The following UGT2B7 variants were observed in gnomAD, a reference collection of about 807,000 sequenced individuals.
The protein encoded by UGT2B7 is UDP glucuronosyltransferase family 2 member B7, also known as UDP-glucuronosyltransferase 2B7.
A neutral mutation model predicts 51.9 loss-of-function variants in UGT2B7; 51 were observed. The observed-to-expected ratio is 0.98, with a 90% confidence interval of 0.78 to 1.24. UGT2B7 has a LOEUF of 1.24. Ranked by LOEUF, UGT2B7 falls within the 50% of genes most tolerant of loss-of-function variation. UGT2B7 has a pLI of 0.00. For missense variants in UGT2B7, 727 were observed against 628.4 expected (o/e 1.16, Z -1.68); for synonymous variants, 225 against 211.6 (o/e 1.06, Z -0.55).
chr4:69,092,263 C>T (rs1230901337), upstream of UGT2B7, among the ~76,000 whole-genome samples: 1 of 152,172 alleles, frequency 6.6e-6, no homozygotes, highest in East Asian at 1.9e-4. Flanking sequence ...CAGTATCTTT[C>T]CTGGCTTATC....
chr4:69,080,380 C>G (rs1718808498), intron 1 of UGT2B7, among the ~76,000 whole-genome samples: 1 of 151,572 alleles, frequency 6.6e-6, no homozygotes. Flanking sequence ...AAACTCCGTC[C>G]CTGCTAAAAA....
intron 1 of UGT2B7, among the ~76,000 whole-genome samples, chr4:69,058,509 G>A (rs923278285): frequency 3.3e-5 from 5 of 152,152 alleles, no homozygotes; most frequent in Non-Finnish European, 1.5e-5. Context: ...AGGCACTCCT[G>A]CAAAGTTTAA....
upstream of UGT2B7, among the ~76,000 whole-genome samples, chr4:69,094,016 T>A (rs577804324): frequency 2.0e-5 from 3 of 152,306 alleles, no homozygotes; most frequent in South Asian, 6.2e-4. Context: ...TATCTCATAT[T>A]AAGTGTTTTC....
At chr4:69,069,908 C>T (rs1234166179) in intron 1 of UGT2B7, 3 of 152,062 alleles carry the variant, frequency 2.0e-5, no homozygotes, top group Non-Finnish European at 2.9e-5. Context: ...AGATCTAAGG[C>T]AGGCAGGCAT....
chr4:69,070,963 G>C (rs935993109), intron 1 of UGT2B7, among the ~76,000 whole-genome samples: 5 of 152,060 alleles, frequency 3.3e-5, no homozygotes, highest in Non-Finnish European at 5.9e-5. Flanking sequence ...AAGTCTAGAT[G>C]GTCATAACTG....
intron 3 of UGT2B7, among the ~76,000 whole-genome samples, chr4:69,105,922 A>T (rs977110476): frequency 6.6e-6 from 1 of 152,172 alleles, no homozygotes; most frequent in Non-Finnish European, 1.5e-5. Flanking sequence ...ACTCAAAAAG[A>T]TATGAATACA....
At chr4:69,091,411 G>A (rs1407722344) in intron 2 of UGT2B7, among the ~76,000 whole-genome samples, 1 of 149,208 alleles carries the variant, frequency 6.7e-6, no homozygotes, top group African/African-American at 2.5e-5. Context: ...TTTTTTTTCT[G>A]TCATTGAAAA....
At chr4:69,110,088 C>T (rs1719729122) in intron 5 of UGT2B7, among the ~76,000 whole-genome samples, 1 of 151,970 alleles carries the variant, frequency 6.6e-6, no homozygotes, top group Non-Finnish European at 1.5e-5. Flanking sequence ...AGACATAAAA[C>T]ATTTGAAGAA....
chr4:69,055,098 T>TAAAAAAA (rs1178892377), intron 1 of UGT2B7, among the ~76,000 whole-genome samples: 61 of 22,530 alleles, frequency 2.7e-3, no homozygotes, highest in East Asian at 6.4e-3. Flanking sequence ...AAGTAATAGC[T>TAAAAAAA]AAAAAAAAAA....
At chr4:69,103,410 C>T (rs1172228637) in intron 3 of UGT2B7, among the ~76,000 whole-genome samples, 2 of 151,934 alleles carry the variant, frequency 1.3e-5, no homozygotes. Context: ...ATGAGTAGTT[C>T]CTATTAGCAT....
At position 69,108,135 on chromosome 4, in the gene UGT2B7, G is replaced by C; in HGVS notation, c.1123G>C (p.Gly375Arg). Residue 375 changes from glycine (G) to arginine (R), a missense_variant, in exon 5 of 6, where the codon GGT becomes CGT. Coordinates refer to ENST00000305231, the MANE Select transcript of UGT2B7 (RefSeq NM_001074.4). ...HPKTRAFITH[G>R]GANGIYEAIY... ...AAAGACCAGAGCTTTTATAACTCAT[G>C]GTGGAGCCAATGGCATCTACGAGGC... The C allele has an allele frequency of 3.1e-6, 5 of 1,613,494 alleles. No individual in the cohort carries two copies. The highest frequency in any genetic ancestry group is 4.2e-6 in the Non-Finnish European group (5 of 1,179,602).
At chr4:69,051,593 C>T (rs1473156615) in exon 1 of UGT2B7, 1 of 152,398 alleles carries the variant, frequency 6.6e-6, no homozygotes, top group Non-Finnish European at 1.5e-5. Flanking sequence ...GTCCAGACAT[C>T]TAAAATTTGG....
At chr4:69,082,763 T>C (rs1268523084) in intron 1 of UGT2B7, among the ~76,000 whole-genome samples, 1 of 152,166 alleles carries the variant, frequency 6.6e-6, no homozygotes, top group Non-Finnish European at 1.5e-5. Context: ...ACAACCTAGC[T>C]AAGATCATTG....
At chr4:69,055,421 C>T (rs1718164034) in intron 1 of UGT2B7, among the ~76,000 whole-genome samples, 1 of 149,674 alleles carries the variant, frequency 6.7e-6, no homozygotes, top group African/African-American at 2.4e-5. Context: ...TAATCACAAA[C>T]CCCTCAGACC....
intron 2 of UGT2B7, among the ~76,000 whole-genome samples, chr4:69,101,046 G>A (rs1296436565): frequency 6.6e-6 from 1 of 151,978 alleles, no homozygotes; most frequent in Non-Finnish European, 1.5e-5. Flanking sequence ...CATCTTAAAT[G>A]AAGGAATGAT....
chr4:69,077,579 TC>T (rs1186396414), intron 1 of UGT2B7, among the ~76,000 whole-genome samples: 2 of 62,688 alleles, frequency 3.2e-5, no homozygotes, highest in African/African-American at 6.9e-5. Context: ...GATTTGGCTC[TC>T]TTTTTTTTTA....
chr4:69,053,096 T>C (rs1405835403), intron 1 of UGT2B7, among the ~76,000 whole-genome samples: 2 of 152,084 alleles, frequency 1.3e-5, no homozygotes, highest in Non-Finnish European at 2.9e-5. Context: ...ACAAAAATTA[T>C]AAAAGGTTAA....
chr4:69,064,208 C>T (rs1041089702), intron 1 of UGT2B7, among the ~76,000 whole-genome samples: 16 of 152,186 alleles, frequency 1.1e-4, no homozygotes, highest in Non-Finnish European at 2.1e-4. Context: ...GCAACGGGTG[C>T]AGCCCAGACC....
At chr4:69,091,252 T>C (rs374189807) in intron 2 of UGT2B7, among the ~76,000 whole-genome samples, 8 of 152,352 alleles carry the variant, frequency 5.3e-5, no homozygotes, top group African/African-American at 1.9e-4. Flanking sequence ...CAATGTATTA[T>C]CAGCTAATTA....
Sources: gnomAD v4.1 joint callset for allele counts (sites outside exome capture counted in the v4.1 genomes callset) on GRCh38, gnomAD v4.1.1 for gene constraint, MANE v1.5 for transcripts, NCBI Gene and HGNC (gene_info 2026-07-23, HGNC 2026-07-21) for gene names.